Variants in CCSER1 observed in about 807,000 individuals in gnomAD.
CCSER1 encodes the protein coiled-coil serine rich protein 1.
In CCSER1, 41 loss-of-function variants were observed where a neutral mutation model predicts 82.0. The ratio of observed to expected loss-of-function variants is 0.50; its 90% confidence interval spans 0.39 to 0.65. CCSER1 has a LOEUF of 0.65. Ranked by LOEUF, CCSER1 falls within the 30% of genes least tolerant of loss-of-function variation. The pLI, the probability that CCSER1 is intolerant of heterozygous loss-of-function variation, is 0.00. For missense variants in CCSER1, 1,119 were observed against 1,064.2 expected (o/e 1.05, Z -0.72); for synonymous variants, 414 against 383.9 (o/e 1.08, Z -0.92).
At chr4:91,596,194 T>TAA (rs1244570472) in intron 10 of CCSER1, among the ~76,000 whole-genome samples, 1 of 151,976 alleles carries the variant, frequency 6.6e-6, no homozygotes, top group Non-Finnish European at 1.5e-5. Context: ...TATGTCTTTT[T>TAA]AAAACTGTAT....
intron 6 of CCSER1, among the ~76,000 whole-genome samples, chr4:90,689,947 G>C (rs554916843): frequency 6.6e-6 from 1 of 152,264 alleles, no homozygotes; most frequent in Non-Finnish European, 1.5e-5. Context: ...CTGCAGGGGA[G>C]AGGACATCAG....
rs1741318844 is a variant in CCSER1, at chr4:90,341,209, G to A, written c.1509+28162G>A. On this transcript the variant is annotated intron_variant, in intron 3 of 10. Coordinates refer to ENST00000509176, the MANE Select transcript of CCSER1 (RefSeq NM_001145065.2). ...TCATAGATAAATTTTTAACAGAATA[G>A]CATCTTTACTGCTGCATCATGCAGT... Among the ~76,000 whole-genome samples the A allele has an allele frequency of 1.3e-5, 2 of 152,038 alleles. 1 individual carries two copies. The highest frequency in any genetic ancestry group is 4.1e-4 in the South Asian group (2 of 4,824).
rs1210579975 is a variant in CCSER1 at position 91,085,987 on chromosome 4, G to T, written c.2210G>T (p.Gly737Val). 6.5e-7 allele frequency: 1 copy of T among 1,528,746 alleles called. No individual in the cohort carries two copies. The highest frequency in any genetic ancestry group is 1.4e-5 in the African/African-American group (1 of 72,558). The allele number at this position is 1,528,746 out of a possible 1,614,324, so 94.7% of individuals were successfully genotyped here. ...NLKRLETVQG[G>V]REATYRNRIV... Reference sequence around the variant, plus strand: ...AAAAGACTAGAGACAGTACAAGGAGGGAGAGAGGTAAGAATGTTTAAAGAA... The same window carrying T: ...AAAAGACTAGAGACAGTACAAGGAGTGAGAGAGGTAAGAATGTTTAAAGAA... The change falls in exon 10 of 11, where the codon GGG becomes GTG. Residue 737 changes from glycine to valine, a missense_variant. Physicochemically the swap from Gly to Val is moderately radical, Grantham distance 109. Transcript: ENST00000509176.
chr4:90,251,859 A>T (rs1037090404), intron 1 of CCSER1, among the ~76,000 whole-genome samples: 1 of 151,786 alleles, frequency 6.6e-6, no homozygotes, highest in African/African-American at 2.4e-5. Context: ...TTCAAAAATA[A>T]TTTGAGTCTT....
At chr4:91,402,851 T>C (rs1270701491) in intron 10 of CCSER1, among the ~76,000 whole-genome samples, 3 of 152,218 alleles carry the variant, frequency 2.0e-5, no homozygotes, top group Non-Finnish European at 4.4e-5. Context: ...TTTGTTCCTT[T>C]TGCTTAGGAT....
intron 10 of CCSER1, among the ~76,000 whole-genome samples, chr4:91,529,585 T>C (rs1251104705): frequency 6.6e-6 from 1 of 152,154 alleles, no homozygotes; most frequent in Non-Finnish European, 1.5e-5. Flanking sequence ...TCATTATTTA[T>C]TGTATAAATA....
chr4:90,167,108 T>G lies in CCSER1; in HGVS notation c.-42+39277T>G, dbSNP rs563541591. On this transcript the variant is annotated intron_variant, in intron 1 of 10. Transcript: ENST00000509176. ...AGCCAGATAAAATAAAATTCAGCAA[T>G]GTAATTTTGGATTTCCACATTTCTA... is the stretch of plus-strand genomic sequence containing the variant. Among the ~76,000 whole-genome samples, 4 of 152,184 alleles carry G rather than the reference T, an allele frequency of 2.6e-5. No individual in the cohort carries two copies. The South Asian group carries it at 6.2e-4, about 24-fold the overall frequency.
At chr4:90,775,242 A>G (rs1038164745) in intron 7 of CCSER1, among the ~76,000 whole-genome samples, 31 of 152,156 alleles carry the variant, frequency 2.0e-4, no homozygotes, top group African/African-American at 6.5e-4. Context: ...TTTTCTCTCC[A>G]CAGAGGGCTG....
intron 1 of CCSER1, among the ~76,000 whole-genome samples, chr4:90,134,229 G>A (rs1032873101): frequency 1.3e-5 from 2 of 152,166 alleles, no homozygotes; most frequent in Admixed American, 6.5e-5. Flanking sequence ...AAGTGATAAT[G>A]ATGCAAAAAT....
chr4:90,497,597 A>G (rs1452116337), intron 5 of CCSER1, among the ~76,000 whole-genome samples: 2 of 152,202 alleles, frequency 1.3e-5, no homozygotes, highest in Non-Finnish European at 2.9e-5. Context: ...TCCACAAAAG[A>G]GAAGAAGTAG....
At chr4:90,219,326 G>T (rs183214521) in intron 1 of CCSER1, among the ~76,000 whole-genome samples, 30 of 152,252 alleles carry the variant, frequency 2.0e-4, no homozygotes, top group African/African-American at 7.0e-4. Flanking sequence ...AGGAGGAGAA[G>T]TAAGTTTGGA....
intron 1 of CCSER1, among the ~76,000 whole-genome samples, chr4:90,206,926 G>A (rs745720853): frequency 5.3e-5 from 8 of 151,766 alleles, no homozygotes; most frequent in South Asian, 4.2e-4. Context: ...TCCCTTTACC[G>A]TTATTTAATG....
chr4:90,320,678 T>C (rs373493563), intron 3 of CCSER1, among the ~76,000 whole-genome samples: 1 of 152,146 alleles, frequency 6.6e-6, no homozygotes, highest in African/African-American at 2.4e-5. Context: ...TCGTTTCTTA[T>C]AAGCTTATAG....
At chr4:91,139,048 A>G (rs1194345184) in intron 10 of CCSER1, among the ~76,000 whole-genome samples, 2 of 152,106 alleles carry the variant, frequency 1.3e-5, no homozygotes, top group Admixed American at 6.6e-5. Flanking sequence ...TCTTTGCTCA[A>G]GCAGTCCCTA....
At chr4:90,287,002 C>G (rs765863916) in intron 1 of CCSER1, among the ~76,000 whole-genome samples, 2 of 151,880 alleles carry the variant, frequency 1.3e-5, no homozygotes, top group Non-Finnish European at 2.9e-5. Flanking sequence ...CCTCAGGTTG[C>G]TGCAGCCAGA....
chr4:91,272,707 C>G (rs1742129868), intron 10 of CCSER1, among the ~76,000 whole-genome samples: 1 of 152,152 alleles, frequency 6.6e-6, no homozygotes, highest in Non-Finnish European at 1.5e-5. Flanking sequence ...ATGTTATCTT[C>G]TAGAATTTTT....
rs1733296616 is a variant in CCSER1, at chr4:90,955,072, A to AT, written c.2172+31627dup. ...TTCCCTTCCTTGGTTAATATTTCTC[A>AT]TTAGCACTTGTTACCATCGAACGTG... On this transcript the variant is annotated intron_variant, in intron 9 of 10. Coordinates refer to ENST00000509176, the MANE Select transcript of CCSER1 (RefSeq NM_001145065.2). 4.6e-5 allele frequency among the ~76,000 whole-genome samples: 7 copies of AT among 152,252 alleles called. No individual in the cohort carries two copies. In the South Asian group the frequency reaches 1.4e-3, roughly 32 times the overall value.
intron 10 of CCSER1, among the ~76,000 whole-genome samples, chr4:91,512,897 T>C (rs1759903898): frequency 6.6e-6 from 1 of 152,182 alleles, no homozygotes; most frequent in Admixed American, 6.5e-5. Flanking sequence ...TATAGAATCA[T>C]ATCTTGAATG....
chr4:90,262,225 T>A (rs189521808), intron 1 of CCSER1, among the ~76,000 whole-genome samples: 1 of 152,302 alleles, frequency 6.6e-6, no homozygotes, highest in Non-Finnish European at 1.5e-5. Context: ...AAATTGTTTT[T>A]AAATTTATAT....
Sources: gnomAD v4.1 joint callset for allele counts (sites outside exome capture counted in the v4.1 genomes callset) on GRCh38, gnomAD v4.1.1 for gene constraint, MANE v1.5 for transcripts, NCBI Gene and HGNC (gene_info 2026-07-23, HGNC 2026-07-21) for gene names.